The following TJP2 variants were observed in gnomAD, a reference collection of about 807,000 sequenced individuals.
TJP2 encodes the protein Friedreich ataxia region gene X104 (tight junction protein ZO-2).
TJP2 carries 91 observed loss-of-function variants against 133.1 expected under a neutral mutation model. The ratio of observed to expected loss-of-function variants is 0.68; its 90% CI spans 0.58 to 0.81. The LOEUF (loss-of-function observed/expected upper bound fraction) is 0.81, where lower values mean the gene tolerates loss of function less well. TJP2 is among the 40% of genes least tolerant of loss of function. TJP2 has a pLI of 0.00. For synonymous variants in TJP2, 592 were observed against 583.4 expected (o/e 1.01, Z -0.21); for missense variants, 1,541 against 1,565.6 (o/e 0.98, Z 0.26).
chr9:69,165,888 A>G (rs574727323), intron 2 of TJP2, among the ~76,000 whole-genome samples: 1 of 152,282 alleles, frequency 6.6e-6, no homozygotes, highest in East Asian at 1.9e-4. Context: ...GGAGTGGATC[A>G]GGGTTACGCT....
chr9:69,143,659 T>C (rs913523736), intron 1 of TJP2, among the ~76,000 whole-genome samples: 11 of 152,250 alleles, frequency 7.2e-5, no homozygotes, highest in Non-Finnish European at 1.5e-4. Context: ...TTTTACTTTA[T>C]TGTGGTCAGA....
At chr9:69,145,232 C>T (rs1823162462) in intron 1 of TJP2, among the ~76,000 whole-genome samples, 1 of 152,262 alleles carries the variant, frequency 6.6e-6, no homozygotes, top group Middle Eastern at 3.4e-3. Context: ...CTTGTCAAAG[C>T]ACAGGCTTTT....
chr9:69,199,944 G>T (rs1826866779), intron 1 of TJP2, among the ~76,000 whole-genome samples: 1 of 152,036 alleles, frequency 6.6e-6, no homozygotes, highest in Non-Finnish European at 1.5e-5. Flanking sequence ...GGGCATTCAG[G>T]GAAAAATTGT....
intron 5 of TJP2, among the ~76,000 whole-genome samples, chr9:69,222,764 C>G (rs1036427250): frequency 6.6e-6 from 1 of 152,078 alleles, no homozygotes; most frequent in Non-Finnish European, 1.5e-5. Context: ...CCCAGTCCCA[C>G]CAGCTCAGAA....
chr9:69,150,469 T>G (rs996390511), intron 1 of TJP2, among the ~76,000 whole-genome samples: 1 of 151,904 alleles, frequency 6.6e-6, no homozygotes, highest in African/African-American at 2.4e-5. Context: ...AATTTTTGTA[T>G]TTTTAGTAGA....
intron 1 of TJP2, among the ~76,000 whole-genome samples, chr9:69,151,495 A>G (rs76291937): frequency 1.3e-5 from 2 of 151,386 alleles, no homozygotes. Context: ...AAAAAAAAAA[A>G]GGATTGTGGT....
At position 69,216,409 on chromosome 9, in the gene TJP2, C is replaced by A; in HGVS notation, c.185C>A (p.Thr62Lys). 6.2e-7 allele frequency: 1 copy of A among 1,614,136 alleles called. No individual in the cohort carries two copies. The highest frequency in any genetic ancestry group is 8.5e-7 in the Non-Finnish European group (1 of 1,180,010). Residue 62 changes from threonine to lysine, a missense_variant, in exon 3 of 23, where the codon ACG becomes AAG. Physicochemically the swap from Thr to Lys is moderately conservative, Grantham distance 78. Coordinates refer to ENST00000377245, the MANE Select transcript of TJP2 (RefSeq NM_004817.4). ...AACCCCCACTTTGAAAATGGAGAAA[C>A]GTCAATTGTCATTTCTGATGTGCTC... ...RDNPHFENGE[T>K]SIVISDVLPG...
In TJP2 at chr9:69,217,482, A is replaced by G. The variant is rs539106139; in HGVS notation, c.240-775A>G. On this transcript the variant is annotated intron_variant, in intron 3 of 22. Transcript: ENST00000377245. ...CTGCACTTTGGGAGGCTGAGGTGGC[A>G]GGAACGCTTGAGGCCAGGTGTTCAA... Among the ~76,000 whole-genome samples, 24 of 152,304 alleles carry G rather than the reference A, an allele frequency of 1.6e-4. No individual in the cohort carries two copies. In the East Asian group the frequency reaches 3.5e-3, roughly 22 times the overall value.
At chr9:69,148,070 A>G (rs1823294439) in intron 1 of TJP2, among the ~76,000 whole-genome samples, 1 of 151,756 alleles carries the variant, frequency 6.6e-6, no homozygotes, top group South Asian at 2.1e-4. Context: ...GATTACAGGC[A>G]TGCGCCACCA....
chr9:69,162,309 ACT>A (rs1010555332), intron 2 of TJP2, among the ~76,000 whole-genome samples: 13 of 151,666 alleles, frequency 8.6e-5, no homozygotes, highest in South Asian at 2.1e-4. Context: ...TATAAGTAAA[ACT>A]CTCATTTGTT....
intron 1 of TJP2, among the ~76,000 whole-genome samples, chr9:69,128,341 ATTC>A (rs1298869309): frequency 7.4e-5 from 2 of 27,194 alleles, no homozygotes; most frequent in African/African-American, 2.0e-4. Flanking sequence ...GAGTGGCCAT[ATTC>A]TTCTACAGTC....
At chr9:69,174,167 G>T (rs1482372385), upstream of TJP2, 19 of 1,288,320 alleles carry the variant, frequency 1.5e-5, no homozygotes, top group Non-Finnish European at 9.8e-7. Flanking sequence ...CGGCCAGCGC[G>T]GAGGCGCCAC....
intron 21 of TJP2, among the ~76,000 whole-genome samples, chr9:69,252,084 T>C (rs555180707): frequency 3.3e-4 from 51 of 152,244 alleles, no homozygotes; most frequent in African/African-American, 1.2e-3. Context: ...AGCCTCCACC[T>C]CTCAGGCTCA....
chr9:69,223,162 T>C (rs1829040061), intron 5 of TJP2, among the ~76,000 whole-genome samples: 1 of 151,226 alleles, frequency 6.6e-6, no homozygotes, highest in African/African-American at 2.4e-5. Context: ...GCATCTCAAG[T>C]GGAAAACCAC....
intron 6 of TJP2, among the ~76,000 whole-genome samples, chr9:69,225,659 T>C (rs1180528884): frequency 2.0e-5 from 3 of 152,254 alleles, no homozygotes; most frequent in Non-Finnish European, 2.9e-5. Flanking sequence ...GTTTAAAGTT[T>C]AGATCCCTAT....
Position 69,221,021 on chromosome 9 carries a change from C to T in TJP2, c.477C>T (p.Ser159=). Residue 159 remains serine, a synonymous_variant, in exon 5 of 23, where the codon AGC becomes AGT. Transcript: ENST00000377245. The part of the protein sequence containing the change: ...RSFRSGYSER[S]RLNSHGGRSR... ...TCCGGAGTGGCTACAGCGAGAGGAG[C>T]CGGCTGAACAGCCATGGGGGGCGCA... 1.2e-6 allele frequency: 2 copies of T among 1,609,940 alleles called. No homozygotes were observed. The highest frequency in any genetic ancestry group is 1.7e-6 in the Non-Finnish European group (2 of 1,178,824).
chr9:69,196,927 A>ATATGTGTG (rs1284482974), intron 1 of TJP2, among the ~76,000 whole-genome samples: 18 of 144,142 alleles, frequency 1.2e-4, no homozygotes, highest in African/African-American at 4.7e-4. Context: ...TTATATATAT[A>ATATGTGTG]TGTGTGTGTG....
intron 10 of TJP2, 72 bp from the exon 11 acceptor site, chr9:69,230,010 C>A: frequency 6.4e-7 from 1 of 1,571,670 alleles, no homozygotes; most frequent in Non-Finnish European, 8.7e-7. Flanking sequence ...TTAAATCTCT[C>A]ATTTGCTAAT....
At chr9:69,151,511 T>A in intron 1 of TJP2, 1 of 814,104 alleles carries the variant, frequency 1.2e-6, no homozygotes, top group Non-Finnish European at 1.6e-6. Flanking sequence ...GTGGTGACAG[T>A]TGCATAACTC....
Sources: gnomAD v4.1 joint callset for allele counts (sites outside exome capture counted in the v4.1 genomes callset) on GRCh38, gnomAD v4.1.1 for gene constraint, MANE v1.5 for transcripts, NCBI Gene and HGNC (gene_info 2026-07-23, HGNC 2026-07-21) for gene names.